Variants in RIC1 observed in about 807,000 individuals in gnomAD.
RIC1 encodes the protein RIC1 partner of RAB6A GEF complex, also known as guanine nucleotide exchange factor subunit RIC1.
RIC1 carries 88 observed loss-of-function variants against 169.0 expected under a neutral mutation model. The ratio of observed to expected loss-of-function variants is 0.52; its 90% CI spans 0.44 to 0.62. RIC1 has a LOEUF of 0.62. Ranked by LOEUF, RIC1 falls within the 20% of genes least tolerant of loss-of-function variation. The pLI, the probability that RIC1 is intolerant of heterozygous loss-of-function variation, is 0.00. For synonymous variants in RIC1, 790 were observed against 601.5 expected (o/e 1.31, Z -4.59); for missense variants, 1,877 against 1,725.5 (o/e 1.09, Z -1.56).
intron 11 of RIC1, among the ~76,000 whole-genome samples, chr9:5,746,457 A>G (rs1825381491): frequency 6.6e-6 from 1 of 152,144 alleles, no homozygotes; most frequent in Non-Finnish European, 1.5e-5. Flanking sequence ...TTTTGTTTCC[A>G]TATAAGTGTC....
intron 2 of RIC1, among the ~76,000 whole-genome samples, chr9:5,669,205 G>A (rs1819952854): frequency 6.6e-6 from 1 of 152,152 alleles, no homozygotes; most frequent in Non-Finnish European, 1.5e-5. Context: ...ACTCCCAAGA[G>A]AGGGGAGATT....
chr9:5,767,114 A>G (rs1041057976), intron 21 of RIC1, among the ~76,000 whole-genome samples: 1 of 152,222 alleles, frequency 6.6e-6, no homozygotes. Context: ...AGAGGACCAA[A>G]AGGAAGATAG....
rs1310161018 is a variant in RIC1 at position 5,775,314 on chromosome 9, TTAAAG to T, written c.*1071_*1075del. On this transcript the variant is annotated 3_prime_UTR_variant, in exon 26 of 26. Coordinates refer to ENST00000414202, the MANE Select transcript of RIC1 (RefSeq NM_020829.4). ...AAAGAATGCATTCTTCATTGTAAAC[TTAAAG>T]TATTTTATGTACTTCTAGAAATGAC... The T allele has an allele frequency of 3.3e-5, 5 of 152,330 alleles. No homozygotes were observed. Among genetic ancestry groups the T allele is most frequent in the East Asian group, 1.9e-4 (1 of 5,188 alleles). 9.4% of individuals were successfully genotyped at this position (152,330 alleles called of 1,614,324 possible). A position where few individuals can be genotyped will look rare whatever the true frequency, so the allele number is the denominator to read the frequency against.
intron 1 of RIC1, among the ~76,000 whole-genome samples, chr9:5,631,982 GT>G (rs1817735978): frequency 6.6e-6 from 1 of 152,136 alleles, no homozygotes; most frequent in African/African-American, 2.4e-5. Context: ...GGTTTAAAAA[GT>G]TCTCATGGAG....
intron 6 of RIC1, among the ~76,000 whole-genome samples, chr9:5,728,003 G>C (rs1824107258): frequency 6.6e-6 from 1 of 152,196 alleles, no homozygotes; most frequent in Admixed American, 6.5e-5. Context: ...GGACCCACTT[G>C]AGGAGGCAGT....
intron 1 of RIC1, among the ~76,000 whole-genome samples, chr9:5,648,779 T>A (rs941687293): frequency 2.6e-5 from 4 of 152,240 alleles, no homozygotes. Context: ...GAGCCTCTTT[T>A]GATGTACCTG....
At chr9:5,713,214 C>G (rs998487258) in intron 3 of RIC1, 6 of 152,168 alleles carry the variant, frequency 3.9e-5, no homozygotes, top group Admixed American at 3.9e-4. Flanking sequence ...AGCACAGGCA[C>G]TGAAGAAGAT....
At chr9:5,634,102 G>GTTTA (rs1346672852) in intron 1 of RIC1, among the ~76,000 whole-genome samples, 16 of 152,142 alleles carry the variant, frequency 1.1e-4, no homozygotes, top group African/African-American at 3.4e-4. Flanking sequence ...GTGTGTATGT[G>GTTTA]TGTGTGTTAC....
chr9:5,646,510 T>C (rs1818521737), intron 1 of RIC1, among the ~76,000 whole-genome samples: 1 of 152,308 alleles, frequency 6.6e-6, no homozygotes, highest in South Asian at 2.1e-4. Context: ...TATTTAGATA[T>C]AGAAATATTT....
At chr9:5,665,893 A>C (rs948947499) in intron 2 of RIC1, among the ~76,000 whole-genome samples, 3 of 152,198 alleles carry the variant, frequency 2.0e-5, no homozygotes, top group African/African-American at 7.2e-5. Context: ...CTGTTGGGAG[A>C]TGTCACCCAG....
At chr9:5,773,808 C>A in intron 25 of RIC1, 150 bp from the exon 26 acceptor site, 1 of 680,996 alleles carries the variant, frequency 1.5e-6, no homozygotes, top group Non-Finnish European at 2.4e-6. Context: ...AGCCAAGAAG[C>A]CTTTCCTCCC....
chr9:5,692,204 G>T (rs1371584740), intron 3 of RIC1, among the ~76,000 whole-genome samples: 3 of 152,024 alleles, frequency 2.0e-5, no homozygotes, highest in African/African-American at 7.2e-5. Flanking sequence ...TACAGGCTTT[G>T]GTGTCAGATA....
chr9:5,749,057 GATC>G (rs1489686993), intron 12 of RIC1, among the ~76,000 whole-genome samples: 1 of 152,140 alleles, frequency 6.6e-6, no homozygotes, highest in Non-Finnish European at 1.5e-5. Flanking sequence ...GGACCTAAGA[GATC>G]ATAAAGTCCA....
chr9:5,744,331 T>A (rs1440559781), intron 10 of RIC1, among the ~76,000 whole-genome samples: 1 of 152,152 alleles, frequency 6.6e-6, no homozygotes, highest in African/African-American at 2.4e-5. Flanking sequence ...CTTGAGGATA[T>A]CTGTATCTAT....
chr9:5,657,702 T>C (rs1819183467), intron 2 of RIC1, among the ~76,000 whole-genome samples: 2 of 152,176 alleles, frequency 1.3e-5, no homozygotes, highest in Admixed American at 6.5e-5. Context: ...AATGTTCATA[T>C]GATGAAAAAT....
chr9:5,679,559 C>G (rs1048845172), intron 2 of RIC1, among the ~76,000 whole-genome samples: 2 of 152,014 alleles, frequency 1.3e-5, no homozygotes, highest in African/African-American at 4.8e-5. Context: ...CCTTCACATC[C>G]CTTGTAAGTT....
chr9:5,686,938 G>T (rs1415930924), intron 2 of RIC1, among the ~76,000 whole-genome samples: 2 of 152,148 alleles, frequency 1.3e-5, no homozygotes, highest in Non-Finnish European at 2.9e-5. Flanking sequence ...ATTTCTTAAA[G>T]AGTTGGTAGA....
chr9:5,707,116 T>C (rs986206215), intron 3 of RIC1, among the ~76,000 whole-genome samples: 1 of 152,200 alleles, frequency 6.6e-6, no homozygotes, highest in Non-Finnish European at 1.5e-5. Context: ...GAGCATTTCC[T>C]GATTTCCCTT....
intron 2 of RIC1, among the ~76,000 whole-genome samples, chr9:5,687,773 G>A (rs1265723299): frequency 2.0e-5 from 3 of 152,264 alleles, no homozygotes; most frequent in African/African-American, 7.2e-5. Flanking sequence ...AGAAATTTAA[G>A]TGAAGCAAAT....
Sources: gnomAD v4.1 joint callset for allele counts (sites outside exome capture counted in the v4.1 genomes callset) on GRCh38, gnomAD v4.1.1 for gene constraint, MANE v1.5 for transcripts, NCBI Gene and HGNC (gene_info 2026-07-23, HGNC 2026-07-21) for gene names.